The following ZKSCAN7 variants were observed in gnomAD, a reference collection of about 807,000 sequenced individuals.
ZKSCAN7 encodes the protein zinc finger with KRAB and SCAN domains 7.
In ZKSCAN7, 38 loss-of-function variants were observed where a neutral mutation model predicts 65.3. The observed-to-expected ratio is 0.58, with a 90% CI of 0.45 to 0.76. The LOEUF is 0.76. Ranked by LOEUF, ZKSCAN7 falls within the 30% of genes least tolerant of loss-of-function variation. The pLI, the probability that ZKSCAN7 is intolerant of heterozygous loss-of-function variation, is 0.00. For synonymous variants in ZKSCAN7, 321 were observed against 321.0 expected (o/e 1.00, Z 0.00); for missense variants, 815 against 913.3 (o/e 0.89, Z 1.39).
chr3:44,567,181 G>GAAAGAGAAGAGAAAAGAAAAGAA (rs10662770), intron 3 of ZKSCAN7, among the ~76,000 whole-genome samples: 2 of 150,172 alleles, frequency 1.3e-5, no homozygotes, highest in African/African-American at 2.5e-5. Context: ...GAAAAGAAAA[G>GAAAGAGAAGAGAAAAGAAAAGAA]AGAGAAAAGA....
chr3:44,583,060 G>T, exon 6 of ZKSCAN7: 1 of 392,414 alleles, frequency 2.5e-6, no homozygotes, highest in South Asian at 1.8e-5. Context: ...CTGAGTAGCT[G>T]GGATTACAGG....
At chr3:44,563,803 G>A (rs925158835) in intron 2 of ZKSCAN7, among the ~76,000 whole-genome samples, 2 of 152,188 alleles carry the variant, frequency 1.3e-5, no homozygotes, top group African/African-American at 4.8e-5. Context: ...GGATTACAAA[G>A]TTGAATTATC....
chr3:44,579,893 G>C (rs1392503849), intron 5 of ZKSCAN7: 1 of 1,609,256 alleles, frequency 6.2e-7, no homozygotes, highest in East Asian at 2.2e-5. Flanking sequence ...GGGCGTCACG[G>C]AGGGCTCTGT....
In ZKSCAN7 at chr3:44,565,565, A is replaced by G. The variant is rs754781815; in HGVS notation, c.502A>G (p.Thr168Ala). 3 of 1,613,070 alleles carry G rather than the reference A, an allele frequency of 1.9e-6. No homozygotes were observed. The highest frequency in any genetic ancestry group is 2.2e-5 in the East Asian group (1 of 44,846). The change falls in exon 3 of 6, where the codon ACC (threonine) becomes GCC (alanine). Residue 168 changes from threonine (T) to alanine (A), a missense_variant. Around this residue, in one of 3 missense-constraint regions of ZKSCAN7, gnomAD observed 227 missense variants for 253.3 expected, o/e 0.90. Transcript: ENST00000426540. ...GGGTACAACAAAGGAATCTCCTCCT[A>G]CCTCACCCCTCAGTGGGGGCTCAGC... is the stretch of plus-strand genomic sequence containing the variant. ...ALGTTKESPP[T>A]SPLSGGSAPG...
rs749178194 is a variant in ZKSCAN7 at position 44,557,182 on chromosome 3, C to T, written c.135C>T (p.Asn45=). ...TWGQGSSLQK[N]YPPVCEIFRL... ...GGCAGGGCAGCAGTCTCCAGAAGAA[C>T]TATCCTCCTGTCTGCGAAATCTTCC... is the stretch of plus-strand genomic sequence containing the variant. Residue 45 remains asparagine (N), a synonymous_variant, in exon 2 of 6, where the codon AAC becomes AAT. Transcript: ENST00000426540. The T allele has an allele frequency of 2.2e-5, 35 of 1,614,152 alleles. No homozygotes were observed. The highest frequency in any genetic ancestry group is 4.0e-5 in the African/African-American group (3 of 74,956).
At chr3:44,579,863 T>G in intron 5 of ZKSCAN7, 1 of 1,609,764 alleles carries the variant, frequency 6.2e-7, no homozygotes, top group South Asian at 1.1e-5. Flanking sequence ...CAGCCAGCCT[T>G]TCTTGAAATT....
downstream of ZKSCAN7, among the ~76,000 whole-genome samples, chr3:44,575,878 T>G (rs940198130): frequency 6.6e-6 from 1 of 151,980 alleles, no homozygotes; most frequent in Non-Finnish European, 1.5e-5. Context: ...GCGCCTGGCC[T>G]TATTATTATT....
Position 44,571,237 on chromosome 3 carries a change from C to T in ZKSCAN7, c.2127C>T (p.His709=), listed in dbSNP as rs776530407. The T allele has an allele frequency of 1.2e-6, 2 of 1,613,906 alleles. No homozygotes were observed. The highest frequency in any genetic ancestry group is 1.1e-5 in the South Asian group (1 of 91,054). The change falls in exon 6 of 6, where the codon CAC becomes CAT. Residue 709 remains histidine, a synonymous_variant. Coordinates refer to ENST00000426540, the MANE Select transcript of ZKSCAN7 (RefSeq NM_001288590.2). ...AFSDSSQLIV[H]QRVHTGEKPY... ...GTGACAGCTCACAGCTTATTGTACA[C>T]CAGAGAGTCCACACCGGAGAGAAAC...
At chr3:44,578,741 G>A (rs1001824792) in intron 5 of ZKSCAN7, among the ~76,000 whole-genome samples, 3 of 152,212 alleles carry the variant, frequency 2.0e-5, no homozygotes, top group Non-Finnish European at 4.4e-5. Flanking sequence ...GGTGGCCGCT[G>A]TCTCCTCGGC....
Position 44,572,121 on chromosome 3 carries a change from A to G in ZKSCAN7, c.*746A>G. On this transcript the variant is annotated 3_prime_UTR_variant, in exon 6 of 6. Coordinates refer to ENST00000426540, the MANE Select transcript of ZKSCAN7 (RefSeq NM_001288590.2). ...CTTTCCCATATAGATAGTATTTTGT[A>G]CATACCAGTTGTTAAATAAATAATT... 2 of 984,016 alleles carry G rather than the reference A, an allele frequency of 2.0e-6. No individual in the cohort carries two copies. Among genetic ancestry groups the G allele is most frequent in the Non-Finnish European group, 2.4e-6 (2 of 828,696 alleles). 61.0% of individuals were successfully genotyped at this position (984,016 alleles called of 1,614,324 possible).
chr3:44,558,095 G>A (rs115858488), intron 2 of ZKSCAN7, among the ~76,000 whole-genome samples: 4,998 of 152,226 alleles, frequency 0.033, 122 homozygotes, highest in Middle Eastern at 0.058. Context: ...TGGTTTCTAG[G>A]ACCATAGAGC....
chr3:44,582,749 A>T (rs1277145352), intron 5 of ZKSCAN7, among the ~76,000 whole-genome samples: 2 of 152,166 alleles, frequency 1.3e-5, no homozygotes. Context: ...GAATTACTGG[A>T]CTAGAATATT....
rs778767632 is a variant in ZKSCAN7, at chr3:44,571,294, T to C, written c.2184T>C (p.Phe728=). 6.2e-7 allele frequency: 1 copy of C among 1,614,248 alleles called. No homozygotes were observed. Among genetic ancestry groups the C allele is most frequent in the Non-Finnish European group, 8.5e-7 (1 of 1,180,036 alleles). Residue 728 remains phenylalanine, a synonymous_variant, in exon 6 of 6, where the codon TTT becomes TTC. Transcript: ENST00000426540. ...PYECSECGKA[F]SQRSTFNHHQ... ...AATGTAGTGAATGTGGGAAAGCCTT[T>C]AGTCAGCGTTCCACTTTTAATCACC...
chr3:44,557,006 C>G lies in ZKSCAN7; in HGVS notation c.-42C>G. The G allele has an allele frequency of 6.2e-7, 1 of 1,611,558 alleles. No individual in the cohort carries two copies. Among genetic ancestry groups the G allele is most frequent in the South Asian group, 1.1e-5 (1 of 90,858 alleles). On this transcript the variant is annotated 5_prime_UTR_variant, in exon 2 of 6. The change creates a new upstream start codon in the 5' untranslated region. Coordinates refer to ENST00000426540, the MANE Select transcript of ZKSCAN7 (RefSeq NM_001288590.2). ...CTGAACTATTGACCATCATTTTAAT[C>G]GGACCAACTGCAGCTGTAACAAGCT...
intron 2 of ZKSCAN7, among the ~76,000 whole-genome samples, chr3:44,560,752 C>T (rs577771768): frequency 6.6e-6 from 1 of 152,316 alleles, no homozygotes; most frequent in East Asian, 1.9e-4. Flanking sequence ...TCATGATCCT[C>T]CCGCCTCGTT....
At chr3:44,572,643 G>A (rs561591908), downstream of ZKSCAN7, among the ~76,000 whole-genome samples, 15 of 151,772 alleles carry the variant, frequency 9.9e-5, 1 homozygote, top group South Asian at 2.9e-3. Flanking sequence ...AGGTCAGGAG[G>A]TGGAGACCAT....
chr3:44,559,189 T>C (rs914536201), intron 2 of ZKSCAN7, among the ~76,000 whole-genome samples: 2 of 152,148 alleles, frequency 1.3e-5, no homozygotes, highest in Non-Finnish European at 1.5e-5. Context: ...CTTAAACTTA[T>C]TATGTACTTT....
chr3:44,583,244 C>G (rs998863628), exon 6 of ZKSCAN7: 3 of 213,774 alleles, frequency 1.4e-5, no homozygotes, highest in Non-Finnish European at 1.9e-5. Flanking sequence ...TTTTAAGTTT[C>G]TTGATGTAGT....
chr3:44,556,334 C>T lies in ZKSCAN7; in HGVS notation c.-118-596C>T, dbSNP rs191082394. 9.9e-5 allele frequency among the ~76,000 whole-genome samples: 15 copies of T among 152,268 alleles called. No homozygotes were observed. In the East Asian group the frequency reaches 2.9e-3, roughly 29 times the overall value. ...AAACCAAGAAAAAGTTGCCTTTGTT[C>T]ATGGTCTTGACAGACAAGTTTGCCA... On this transcript the variant is annotated intron_variant, in intron 1 of 5. Transcript: ENST00000426540.
Sources: allele counts gnomAD v4.1 joint callset (sites outside exome capture counted in the v4.1 genomes callset), GRCh38; gene constraint gnomAD v4.1.1; regional missense constraint gnomAD v4.1.1; transcripts MANE v1.5; gene names NCBI Gene and HGNC (gene_info 2026-07-23, HGNC 2026-07-21).